The following GRIA4 variants were observed in gnomAD, a reference collection of about 807,000 sequenced individuals.
The protein encoded by GRIA4 is glutamate ionotropic receptor AMPA type subunit 4.
In GRIA4, 34 loss-of-function variants were observed where a neutral mutation model predicts 104.0. That is an observed-to-expected ratio of 0.33 (90% CI 0.25 to 0.44). GRIA4 has a LOEUF of 0.44. GRIA4 is among the 20% of genes least tolerant of loss of function. The probability of loss-of-function intolerance (pLI) is 1.00; values close to 1 mark genes in which losing one functional copy is unlikely to be tolerated. For synonymous variants in GRIA4, 386 were observed against 381.9 expected, an observed-to-expected ratio of 1.01 and a Z score of -0.13; for missense variants, 750 against 1,096.5, an observed-to-expected ratio of 0.68 and a Z score of 4.46.
chr11:105,785,611 C>A (rs562217147), intron 4 of GRIA4, among the ~76,000 whole-genome samples: 4 of 152,104 alleles, frequency 2.6e-5, no homozygotes, highest in Non-Finnish European at 5.9e-5. Flanking sequence ...CCCATGGGAA[C>A]TGACATTATA....
At chr11:105,616,822 A>G (rs1190763349) in intron 3 of GRIA4, among the ~76,000 whole-genome samples, 2 of 151,646 alleles carry the variant, frequency 1.3e-5, no homozygotes, top group East Asian at 3.9e-4. Context: ...CTTATTTTGA[A>G]TTGGTAGCAA....
chr11:105,958,783 G>C (rs994080587), intron 14 of GRIA4, among the ~76,000 whole-genome samples: 1 of 152,068 alleles, frequency 6.6e-6, no homozygotes, highest in Non-Finnish European at 1.5e-5. Context: ...TTTCTTTCAG[G>C]AGCTCCTGCA....
At chr11:105,794,465 A>G (rs1437143989) in intron 4 of GRIA4, among the ~76,000 whole-genome samples, 1 of 52,326 alleles carries the variant, frequency 1.9e-5, no homozygotes, top group African/African-American at 1.0e-4. Flanking sequence ...GTGTGTGTGT[A>G]TATGTATGTA....
In GRIA4 at chr11:105,717,044, C is replaced by T. The variant is rs557999320; in HGVS notation, c.248-35937C>T. On this transcript the variant is annotated intron_variant, in intron 3 of 16. Transcript: ENST00000282499. ...GGAGGTTTATCTTAGCAAAGTCCTC[C>T]GTGATAACTTATTCATTAATCTTCA... Among the ~76,000 whole-genome samples the T allele has an allele frequency of 8.5e-5, 13 of 152,074 alleles. No homozygotes were observed. In the South Asian group the frequency reaches 1.7e-3, roughly 19 times the overall value.
intron 14 of GRIA4, among the ~76,000 whole-genome samples, chr11:105,945,743 T>G (rs924407370): frequency 2.0e-5 from 3 of 152,224 alleles, no homozygotes; most frequent in Non-Finnish European, 2.9e-5. Flanking sequence ...CATTTATGTT[T>G]TCTATCTTCA....
At chr11:105,915,559 G>A (rs1176520501) in intron 10 of GRIA4, among the ~76,000 whole-genome samples, 1 of 152,040 alleles carries the variant, frequency 6.6e-6, no homozygotes, top group Non-Finnish European at 1.5e-5. Flanking sequence ...ATACTATTTA[G>A]GAAACACTGA....
Position 105,926,634 on chromosome 11 carries a change from C to T in GRIA4, c.1848-107C>T, listed in dbSNP as rs1002671343. The T allele has an allele frequency of 2.2e-5, 16 of 720,244 alleles. No homozygotes were observed. In the African/African-American group the frequency reaches 2.8e-4, roughly 13 times the overall value. 44.6% of individuals were successfully genotyped at this position (720,244 alleles called of 1,614,324 possible). ...CAGACTCTCAGAAAATAAAACAATA[C>T]TTGGCAATTGTTATTTTTAAATATG... On this transcript the variant is annotated intron_variant, in intron 12 of 16. Transcript: ENST00000282499.
At chr11:105,758,286 T>C (rs1469704642) in intron 4 of GRIA4, among the ~76,000 whole-genome samples, 4 of 152,220 alleles carry the variant, frequency 2.6e-5, no homozygotes, top group Non-Finnish European at 4.4e-5. Flanking sequence ...CCTGAGCATA[T>C]GCAGAAATTT....
At chr11:105,761,023 T>A (rs796519942) in intron 4 of GRIA4, among the ~76,000 whole-genome samples, 29 of 152,302 alleles carry the variant, frequency 1.9e-4, no homozygotes, top group Middle Eastern at 3.4e-3. Context: ...ATATTCCGCA[T>A]TTTTATTAAA....
chr11:105,747,190 A>G (rs1385676205), intron 3 of GRIA4, among the ~76,000 whole-genome samples: 1 of 152,196 alleles, frequency 6.6e-6, no homozygotes, highest in East Asian at 1.9e-4. Context: ...TTACAAAAAC[A>G]TATTGGAATA....
chr11:105,956,956 T>A (rs199802557), intron 14 of GRIA4, among the ~76,000 whole-genome samples: 1 of 20,094 alleles, frequency 5.0e-5, no homozygotes. Context: ...GATGGGGTTG[T>A]TTGATTTTTT....
chr11:105,866,545 G>GTATATATATATA (rs775973048), intron 5 of GRIA4, among the ~76,000 whole-genome samples: 10 of 71,244 alleles, frequency 1.4e-4, no homozygotes, highest in African/African-American at 5.5e-4. Flanking sequence ...ATGTGTGTGT[G>GTATATATATATA]TGTGTGTATA....
chr11:105,616,774 T>C (rs1025585934), intron 3 of GRIA4, among the ~76,000 whole-genome samples: 2 of 151,750 alleles, frequency 1.3e-5, no homozygotes, highest in African/African-American at 4.8e-5. Context: ...TTTAGGAAAA[T>C]GAGTGATGTG....
At chr11:105,634,521 A>AAAG (rs1268739427) in intron 3 of GRIA4, among the ~76,000 whole-genome samples, 4,585 of 65,024 alleles carry the variant, frequency 0.071, 178 homozygotes, top group East Asian at 0.12. Flanking sequence ...AAGAAGAAAG[A>AAAG]AAGAAAGAAA....
intron 3 of GRIA4, among the ~76,000 whole-genome samples, chr11:105,687,626 G>T (rs113926541): frequency 1.3e-5 from 2 of 152,186 alleles, no homozygotes; most frequent in Non-Finnish European, 2.9e-5. Flanking sequence ...TGACAGTGCT[G>T]TCTATAGATA....
chr11:105,663,585 G>T (rs972874999), intron 3 of GRIA4, among the ~76,000 whole-genome samples: 1 of 151,908 alleles, frequency 6.6e-6, no homozygotes, highest in African/African-American at 2.4e-5. Flanking sequence ...CTTTGCAAAA[G>T]AAATCTAACA....
At chr11:105,951,971 A>C (rs2136242207) in intron 14 of GRIA4, among the ~76,000 whole-genome samples, 1 of 152,256 alleles carries the variant, frequency 6.6e-6, no homozygotes, top group South Asian at 2.1e-4. Flanking sequence ...TCAAAAAATA[A>C]AAATAATAAA....
intron 4 of GRIA4, among the ~76,000 whole-genome samples, chr11:105,834,712 C>CT (rs5794429): frequency 0.022 from 2,884 of 131,604 alleles, 86 homozygotes; most frequent in African/African-American, 0.046. Context: ...TACAAAAAGA[C>CT]TTTTTTTTTT....
At chr11:105,902,046 T>TA (rs1946877323) in intron 7 of GRIA4, among the ~76,000 whole-genome samples, 1 of 152,194 alleles carries the variant, frequency 6.6e-6, no homozygotes, top group African/African-American at 2.4e-5. Flanking sequence ...GTACCTTGCT[T>TA]AAACACCTTA....
Sources: gnomAD v4.1 joint callset for allele counts (sites outside exome capture counted in the v4.1 genomes callset) on GRCh38, gnomAD v4.1.1 for gene constraint, MANE v1.5 for transcripts, NCBI Gene and HGNC (gene_info 2026-07-23, HGNC 2026-07-21) for gene names.